The following DLC1 variants were observed in gnomAD, a reference collection of about 807,000 sequenced individuals.
DLC1 encodes rho GTPase-activating protein 7.
DLC1 carries 54 observed loss-of-function variants against 140.3 expected under a neutral mutation model. That is an observed-to-expected ratio of 0.38 (90% CI 0.31 to 0.48). The LOEUF (loss-of-function observed/expected upper bound fraction) is 0.48. Among genes scored for constraint, DLC1 ranks in the 20% least tolerant of loss-of-function variants. The pLI is 0.96. For missense variants in DLC1, 2,536 were observed against 1,907.0 expected (o/e 1.33, Z -6.14); for synonymous variants, 986 against 728.1 (o/e 1.35, Z -5.70).
chr8:13,353,298 A>C (rs962462498), intron 4 of DLC1: 5 of 152,108 alleles, frequency 3.3e-5, no homozygotes, highest in African/African-American at 1.2e-4. Context: ...TCAACTACAT[A>C]TGTGGCATTT....
chr8:13,490,368 G>C (rs549060035), intron 2 of DLC1, among the ~76,000 whole-genome samples: 1 of 152,228 alleles, frequency 6.6e-6, no homozygotes, highest in South Asian at 2.1e-4. Flanking sequence ...AATTGGTGAG[G>C]TTATCTTTAA....
At chr8:13,553,203 CATATATAT>C (rs1201746846) in intron 1 of DLC1, among the ~76,000 whole-genome samples, 1 of 68,022 alleles carries the variant, frequency 1.5e-5, no homozygotes, top group Non-Finnish European at 2.8e-5. Context: ...TGCCAGCTGT[CATATATAT>C]ATATATATAT....
chr8:13,386,464 A>T (rs894180090), intron 4 of DLC1, among the ~76,000 whole-genome samples: 1 of 152,106 alleles, frequency 6.6e-6, no homozygotes, highest in Non-Finnish European at 1.5e-5. Context: ...AAATTCTAAG[A>T]TTCAAAGTGG....
chr8:13,283,761 C>T (rs549343650), intron 5 of DLC1, among the ~76,000 whole-genome samples: 142 of 152,256 alleles, frequency 9.3e-4, no homozygotes, highest in Middle Eastern at 3.4e-3. Flanking sequence ...ACGATTCTCC[C>T]GCCTCTGCCT....
At chr8:13,228,752 T>G (rs970787637) in intron 5 of DLC1, among the ~76,000 whole-genome samples, 1 of 152,056 alleles carries the variant, frequency 6.6e-6, no homozygotes, top group Non-Finnish European at 1.5e-5. Context: ...TCTGTCTCTT[T>G]AAAAACAATG....
At chr8:13,177,941 G>A (rs980620663) in intron 5 of DLC1, among the ~76,000 whole-genome samples, 2 of 152,086 alleles carry the variant, frequency 1.3e-5, no homozygotes, top group Non-Finnish European at 2.9e-5. Flanking sequence ...AAGGGGACTT[G>A]ACACTTAAAC....
rs1251562877 is a variant in DLC1, at chr8:13,292,073, G to A, written c.1348+13196C>T. Among the ~76,000 whole-genome samples, 3 of 151,044 alleles carry A rather than the reference G, an allele frequency of 2.0e-5. No homozygotes were observed. The East Asian group carries it at 5.8e-4, about 29-fold the overall frequency. ...TACATTTTCTTTTCTTCAGGAAAAT[G>A]TCTTGATATTTGTGATCTGCAGTTT... On this transcript the variant is annotated intron_variant, in intron 5 of 17. Transcript: ENST00000276297.
intron 5 of DLC1, among the ~76,000 whole-genome samples, chr8:13,204,751 C>T (rs1379237911): frequency 6.6e-6 from 1 of 152,090 alleles, no homozygotes; most frequent in Non-Finnish European, 1.5e-5. Flanking sequence ...CAGATTTCAC[C>T]AATTACTTGT....
chr8:13,535,618 C>T (rs1449507605), intron 1 of DLC1, among the ~76,000 whole-genome samples: 8 of 139,282 alleles, frequency 5.7e-5, no homozygotes, highest in African/African-American at 1.6e-4. Flanking sequence ...CTGAAACTGC[C>T]AAAGTGGATG....
chr8:13,359,781 A>C, intron 4 of DLC1, among the ~76,000 whole-genome samples: 1 of 152,254 alleles, frequency 6.6e-6, no homozygotes, highest in African/African-American at 2.4e-5. Context: ...TGATTTCACC[A>C]GAGAAGTTGG....
intron 2 of DLC1, among the ~76,000 whole-genome samples, chr8:13,467,690 T>C (rs1431192960): frequency 6.6e-6 from 1 of 152,172 alleles, no homozygotes; most frequent in African/African-American, 2.4e-5. Flanking sequence ...ATGACTGTGC[T>C]ACTGCATTCC....
In DLC1 at chr8:13,239,116, C is replaced by T. The variant is rs1482418584; in HGVS notation, c.1348+66153G>A. On this transcript the variant is annotated intron_variant, in intron 5 of 17. Transcript: ENST00000276297. The stretch of plus-strand genomic sequence containing the variant: ...GTAAGAACAGTTTGAGTGTGCGTAT[C>T]TGGGGTCATAGGTTTCTTATCTCCA... Among the ~76,000 whole-genome samples the T allele has an allele frequency of 3.3e-5, 5 of 152,062 alleles. 1 individual carries two copies. The highest frequency in any genetic ancestry group is 5.9e-5 in the Non-Finnish European group (4 of 68,016).
intron 4 of DLC1, among the ~76,000 whole-genome samples, chr8:13,356,989 G>C (rs1248350092): frequency 6.6e-6 from 1 of 152,112 alleles, no homozygotes; most frequent in Non-Finnish European, 1.5e-5. Context: ...GTCCTGCCCT[G>C]CTGGCCAGGT....
At position 13,149,163 on chromosome 8, in the gene DLC1, A is replaced by G. The variant is rs138770556; in HGVS notation, c.1349-33506T>C. 7.2e-3 allele frequency among the ~76,000 whole-genome samples: 1,098 copies of G among 152,238 alleles called. 22 individuals carry two copies. Among genetic ancestry groups the G allele is most frequent in the African/African-American group, 0.025 (1,052 of 41,518 alleles). On this transcript the variant is annotated intron_variant, in intron 5 of 17. Coordinates refer to ENST00000276297, the MANE Select transcript of DLC1 (RefSeq NM_182643.3). ...TCAAAATACAGAAGGCACAATCTCA[A>G]TTCTATTATCCTGAGAGAGCTTAAC...
chr8:13,484,822 C>T (rs1800892435), intron 2 of DLC1, among the ~76,000 whole-genome samples: 1 of 151,852 alleles, frequency 6.6e-6, no homozygotes, highest in South Asian at 2.1e-4. Context: ...TCGTCCTTCT[C>T]ACCTGGGTAC....
chr8:13,453,418 ATATATG>A (rs1186126140), intron 2 of DLC1, among the ~76,000 whole-genome samples: 1,013 of 44,250 alleles, frequency 0.023, 148 homozygotes, highest in African/African-American at 0.12. Flanking sequence ...ATATATATAT[ATATATG>A]TGTATATATA....
intron 1 of DLC1, among the ~76,000 whole-genome samples, chr8:13,546,373 A>G (rs916399097): frequency 6.6e-6 from 1 of 152,150 alleles, no homozygotes; most frequent in Non-Finnish European, 1.5e-5. Flanking sequence ...AAACTATTTT[A>G]ATATGATGAA....
intron 2 of DLC1, among the ~76,000 whole-genome samples, chr8:13,431,595 G>A (rs392282): frequency 6.7e-6 from 1 of 148,268 alleles, no homozygotes; most frequent in Admixed American, 6.8e-5. Context: ...TTCCAGGTAA[G>A]ATTTCTCAAT....
intron 5 of DLC1, among the ~76,000 whole-genome samples, chr8:13,234,521 T>C (rs1362261672): frequency 6.6e-6 from 1 of 152,190 alleles, no homozygotes; most frequent in Non-Finnish European, 1.5e-5. Flanking sequence ...GCACTTAGCC[T>C]ATGAAATCTG....
Sources: allele counts gnomAD v4.1 joint callset (sites outside exome capture counted in the v4.1 genomes callset), GRCh38; gene constraint gnomAD v4.1.1; transcripts MANE v1.5; gene names NCBI Gene and HGNC (gene_info 2026-07-23, HGNC 2026-07-21).